Variants in PDE1C observed in about 807,000 individuals in gnomAD.
PDE1C encodes phosphodiesterase 1C.
A neutral mutation model predicts 93.1 loss-of-function variants in PDE1C; 62 were observed. The observed-to-expected ratio is 0.67, with a 90% CI of 0.54 to 0.82. The LOEUF is 0.82. Ranked by LOEUF, PDE1C falls within the 40% of genes least tolerant of loss-of-function variation. The pLI is 0.00. For synonymous variants in PDE1C, 325 were observed against 310.1 expected (o/e 1.05, Z -0.50); for missense variants, 742 against 884.6 (o/e 0.84, Z 2.04).
At chr7:31,839,281 A>G (rs1042624599) in intron 9 of PDE1C, among the ~76,000 whole-genome samples, 3 of 150,614 alleles carry the variant, frequency 2.0e-5, no homozygotes, top group Non-Finnish European at 3.0e-5. Flanking sequence ...TTATTTTAAA[A>G]TAGTCACACA....
intron 1 of PDE1C, among the ~76,000 whole-genome samples, chr7:32,216,671 G>T (rs889260660): frequency 2.6e-5 from 4 of 152,182 alleles, no homozygotes; most frequent in Non-Finnish European, 5.9e-5. Flanking sequence ...CAAACATCCA[G>T]TCATGGTCCC....
chr7:32,007,775 A>T (rs575833249), intron 2 of PDE1C, among the ~76,000 whole-genome samples: 12 of 152,230 alleles, frequency 7.9e-5, no homozygotes, highest in African/African-American at 2.2e-4. Flanking sequence ...AACTCAAATA[A>T]ATCATTGATT....
chr7:31,703,862 G>A, the PDE1C span, among the ~76,000 whole-genome samples: 5 of 152,110 alleles, frequency 3.3e-5, no homozygotes, highest in East Asian at 1.9e-4. Flanking sequence ...TTCCAACTGC[G>A]AGCACAGCCC....
chr7:32,303,571 A>G (rs1812927181), upstream of PDE1C, among the ~76,000 whole-genome samples: 1 of 152,180 alleles, frequency 6.6e-6, no homozygotes, highest in African/African-American at 2.4e-5. Context: ...TTGCTTCCCT[A>G]TAGTCCATTT....
intron 6 of PDE1C, 60 bp downstream of exon 6, chr7:31,873,232 A>G (rs1056295746): frequency 7.1e-5 from 72 of 1,018,844 alleles, no homozygotes; most frequent in Non-Finnish European, 6.6e-5. Context: ...CCCAAAAGTC[A>G]TATGAGGATA....
chr7:32,103,353 A>T (rs1327050106), intron 3 of PDE1C, among the ~76,000 whole-genome samples: 1 of 152,126 alleles, frequency 6.6e-6, no homozygotes, highest in Admixed American at 6.5e-5. Context: ...CAAGACTTGA[A>T]GGAATCAAGT....
chr7:31,635,784 G>A, the PDE1C span, among the ~76,000 whole-genome samples: 7 of 152,134 alleles, frequency 4.6e-5, no homozygotes, highest in Non-Finnish European at 7.4e-5. Flanking sequence ...AGGGGAGGGC[G>A]GGGGTCAGAG....
chr7:31,895,159 C>A (rs1036816692), intron 2 of PDE1C, among the ~76,000 whole-genome samples: 61 of 152,082 alleles, frequency 4.0e-4, no homozygotes, highest in African/African-American at 1.4e-3. Context: ...GTCCCCTGTG[C>A]CCTGCAAAGG....
chr7:31,843,435 C>G (rs1432314755), intron 9 of PDE1C, among the ~76,000 whole-genome samples: 1 of 151,840 alleles, frequency 6.6e-6, no homozygotes, highest in Non-Finnish European at 1.5e-5. Context: ...CTCTTATTAT[C>G]AGAAAATCTC....
intron 2 of PDE1C, among the ~76,000 whole-genome samples, chr7:32,015,974 A>G (rs1367812942): frequency 6.6e-6 from 1 of 152,160 alleles, no homozygotes; most frequent in African/African-American, 2.4e-5. Flanking sequence ...GACAAGGCGG[A>G]AACGGCTTTC....
At chr7:31,994,810 G>A (rs1055310906) in intron 2 of PDE1C, among the ~76,000 whole-genome samples, 2 of 152,144 alleles carry the variant, frequency 1.3e-5, no homozygotes, top group Admixed American at 1.3e-4. Context: ...ATTACAAAGA[G>A]TAACTGCATA....
At chr7:32,367,199 G>T (rs1452497687) in intron 1 of PDE1C, among the ~76,000 whole-genome samples, 1 of 152,072 alleles carries the variant, frequency 6.6e-6, no homozygotes, top group African/African-American at 2.4e-5. Context: ...CCTACAACTG[G>T]AAGTCATTGT....
chr7:31,620,354 A>AC, the PDE1C span, among the ~76,000 whole-genome samples: 2 of 151,640 alleles, frequency 1.3e-5, no homozygotes, highest in African/African-American at 2.4e-5. Context: ...ACTGGGAGGC[A>AC]CCCCCCAGTA....
chr7:31,723,903 C>T, the PDE1C span, among the ~76,000 whole-genome samples: 1 of 152,150 alleles, frequency 6.6e-6, no homozygotes, highest in Non-Finnish European at 1.5e-5. Flanking sequence ...CTCCTACCAC[C>T]CTCAGTCTCT....
intron 2 of PDE1C, among the ~76,000 whole-genome samples, chr7:31,899,061 G>T (rs1405168495): frequency 1.3e-5 from 2 of 151,480 alleles, no homozygotes; most frequent in African/African-American, 4.9e-5. Context: ...ATGCAGCCTG[G>T]CATCCTGTCA....
downstream of PDE1C, among the ~76,000 whole-genome samples, chr7:31,750,483 C>G (rs1349504073): frequency 6.6e-6 from 1 of 152,206 alleles, no homozygotes; most frequent in Non-Finnish European, 1.5e-5. Context: ...GGCCTAACTT[C>G]TTTTTACCAT....
chr7:32,070,753 G>A, upstream of PDE1C: 1 of 1,073,380 alleles, frequency 9.3e-7, no homozygotes, highest in Non-Finnish European at 1.1e-6. Context: ...CAAAGCCACA[G>A]AAGCGATCAG....
intron 3 of PDE1C, among the ~76,000 whole-genome samples, chr7:32,154,373 C>T (rs141313866): frequency 7.8e-4 from 119 of 152,278 alleles, no homozygotes; most frequent in African/African-American, 2.8e-3. Context: ...ATTATAGACA[C>T]ACAAGAAGCT....
chr7:31,956,723 C>T (rs868265100), intron 2 of PDE1C, among the ~76,000 whole-genome samples: 2 of 151,856 alleles, frequency 1.3e-5, no homozygotes, highest in Admixed American at 6.6e-5. Context: ...ATCTAGCTCA[C>T]TTGTTTTCCA....
Sources: allele counts gnomAD v4.1 joint callset (sites outside exome capture counted in the v4.1 genomes callset), GRCh38; gene constraint gnomAD v4.1.1; transcripts MANE v1.5; gene names NCBI Gene and HGNC (gene_info 2026-07-23, HGNC 2026-07-21).